The following REDIC1 variants were observed in gnomAD, a reference collection of about 807,000 sequenced individuals.
REDIC1 encodes regulator of DNA class I crossover intermediates 1.
At chr12:39,640,974 C>T in the REDIC1 span, 4 of 1,610,268 alleles carry the variant, frequency 2.5e-6, no homozygotes, top group East Asian at 8.9e-5. Flanking sequence ...TCTGATCAAG[C>T]AGGAAAGAAG....
the REDIC1 span, among the ~76,000 whole-genome samples, chr12:39,763,852 T>C: frequency 2.0e-5 from 3 of 152,264 alleles, no homozygotes; most frequent in Non-Finnish European, 4.4e-5. Flanking sequence ...TTTTGAATTA[T>C]GGCCTCCATA....
chr12:39,879,913 C>T, the REDIC1 span, among the ~76,000 whole-genome samples: 3 of 152,118 alleles, frequency 2.0e-5, no homozygotes, highest in South Asian at 6.2e-4. Flanking sequence ...ATTGTAATCC[C>T]AAGGCTGGAT....
At chr12:39,734,792 TC>T in the REDIC1 span, among the ~76,000 whole-genome samples, 4 of 152,252 alleles carry the variant, frequency 2.6e-5, no homozygotes, top group Non-Finnish European at 4.4e-5. Flanking sequence ...CTGTTCTTTT[TC>T]AAAATTGCTT....
the REDIC1 span, among the ~76,000 whole-genome samples, chr12:39,774,610 A>ATTTTTTTTTTTTTTTTTTT: frequency 7.1e-6 from 1 of 140,638 alleles, no homozygotes; most frequent in African/African-American, 2.6e-5. Flanking sequence ...TGGTTTTGTA[A>ATTTTTTTTTTTTTTTTTTT]TTTTCCTGCA....
chr12:39,728,541 G>C, the REDIC1 span, among the ~76,000 whole-genome samples: 1 of 152,186 alleles, frequency 6.6e-6, no homozygotes, highest in East Asian at 1.9e-4. Context: ...TGCTGGATTT[G>C]GTTTGCCGGT....
the REDIC1 span, among the ~76,000 whole-genome samples, chr12:39,678,615 A>G: frequency 8.0e-6 from 1 of 124,924 alleles, no homozygotes; most frequent in Non-Finnish European, 1.6e-5. Context: ...TACCAAAACC[A>G]GGAAAAGGCA....
At chr12:39,754,233 G>A in the REDIC1 span, 1 of 152,092 alleles carries the variant, frequency 6.6e-6, no homozygotes, top group East Asian at 1.9e-4. Context: ...ACCTGGAAAA[G>A]GATGACAATG....
chr12:39,691,901 TTC>T, the REDIC1 span: 3 of 653,486 alleles, frequency 4.6e-6, no homozygotes, highest in African/African-American at 5.8e-5. Context: ...AGGCTAATTT[TTC>T]TTTGTGGTTT....
At chr12:39,681,270 CT>C in the REDIC1 span, among the ~76,000 whole-genome samples, 2 of 152,250 alleles carry the variant, frequency 1.3e-5, no homozygotes, top group Non-Finnish European at 2.9e-5. Context: ...AAAACTCCAT[CT>C]CCCACACACA....
the REDIC1 span, among the ~76,000 whole-genome samples, chr12:39,717,397 G>A: frequency 2.2e-4 from 34 of 151,848 alleles, no homozygotes; most frequent in African/African-American, 3.1e-4. Flanking sequence ...AAAAGAAAAC[G>A]TTACTAAGGA....
the REDIC1 span, among the ~76,000 whole-genome samples, chr12:39,904,655 G>C: frequency 1.3e-5 from 2 of 152,180 alleles, no homozygotes; most frequent in East Asian, 3.9e-4. Flanking sequence ...TCTTCTCATG[G>C]AAGACAGAGC....
chr12:39,710,996 G>A, the REDIC1 span, among the ~76,000 whole-genome samples: 7 of 151,036 alleles, frequency 4.6e-5, no homozygotes, highest in African/African-American at 9.7e-5. Context: ...CCCATCACCC[G>A]AGCAGTATAC....
At chr12:39,900,950 A>T in the REDIC1 span, among the ~76,000 whole-genome samples, 5 of 152,208 alleles carry the variant, frequency 3.3e-5, no homozygotes, top group African/African-American at 4.8e-5. Flanking sequence ...ACCACAAGGC[A>T]ACAGTAACCA....
At chr12:39,696,446 G>A in the REDIC1 span, among the ~76,000 whole-genome samples, 3 of 146,514 alleles carry the variant, frequency 2.0e-5, no homozygotes, top group Non-Finnish European at 4.5e-5. Context: ...GGGAGACTGA[G>A]GCAGGAGAAT....
the REDIC1 span, among the ~76,000 whole-genome samples, chr12:39,746,836 C>T: frequency 6.6e-6 from 1 of 152,218 alleles, no homozygotes; most frequent in Non-Finnish European, 1.5e-5. Flanking sequence ...GGACCTCCAG[C>T]AAACTCCAAC....
At chr12:39,764,990 A>C in the REDIC1 span, 6 of 1,056,092 alleles carry the variant, frequency 5.7e-6, no homozygotes, top group Non-Finnish European at 7.9e-6. Flanking sequence ...CTTAAAAAAT[A>C]AGAACTAAAT....
At chr12:39,746,870 C>T in the REDIC1 span, among the ~76,000 whole-genome samples, 44 of 152,342 alleles carry the variant, frequency 2.9e-4, no homozygotes, top group African/African-American at 8.9e-4. Context: ...AGGGTCCTGA[C>T]TGTTAGAAGG....
chr12:39,746,749 A>G, the REDIC1 span, among the ~76,000 whole-genome samples: 1 of 152,356 alleles, frequency 6.6e-6, no homozygotes, highest in East Asian at 1.9e-4. Context: ...ATGATCAGGC[A>G]GCAGCATTTG....
chr12:39,659,265 C>T, the REDIC1 span, among the ~76,000 whole-genome samples: 2 of 151,728 alleles, frequency 1.3e-5, no homozygotes. Context: ...GATTTCTATT[C>T]TTTGATTAAG....
Sources: gnomAD v4.1 joint callset for allele counts (sites outside exome capture counted in the v4.1 genomes callset) on GRCh38, gnomAD v4.1.1 for gene constraint, MANE v1.5 for transcripts, NCBI Gene and HGNC (gene_info 2026-07-23, HGNC 2026-07-21) for gene names.